Variants in PPP1R8 observed in about 807,000 individuals in gnomAD.
The protein encoded by PPP1R8 is protein phosphatase 1 regulatory subunit 8.
In PPP1R8, 4 loss-of-function variants were observed where a neutral mutation model predicts 31.3. That is an observed-to-expected ratio of 0.13 (90% CI 0.06 to 0.29). PPP1R8 has a LOEUF of 0.29. PPP1R8 is among the 10% of genes least tolerant of loss of function. PPP1R8 has a pLI of 1.00. For missense variants in PPP1R8, 254 were observed against 440.1 expected, an observed-to-expected ratio of 0.58 and a Z score of 3.78; for synonymous variants, 170 against 169.7, an observed-to-expected ratio of 1.00 and a Z score of -0.01.
At chr1:27,840,392 A>G (rs1412924981) in intron 3 of PPP1R8, among the ~76,000 whole-genome samples, 1 of 152,218 alleles carries the variant, frequency 6.6e-6, no homozygotes, top group Non-Finnish European at 1.5e-5. Flanking sequence ...CTCCCATTTT[A>G]TAACATGCAG....
intron 2 of PPP1R8, among the ~76,000 whole-genome samples, chr1:27,837,521 T>C (rs190363138): frequency 6.9e-6 from 1 of 144,544 alleles, no homozygotes; most frequent in African/African-American, 2.6e-5. Flanking sequence ...TGGCTCATGC[T>C]TGTAATCCCA....
chr1:27,832,677 A>C, intron 1 of PPP1R8, 79 bp from the exon 2 acceptor site: 1 of 1,194,178 alleles, frequency 8.4e-7, no homozygotes, highest in Non-Finnish European at 1.2e-6. Context: ...GGAGAGCTGC[A>C]ATGTTGAATG....
chr1:27,830,965 T>C (rs2089095863), intron 1 of PPP1R8, 74 bp downstream of exon 1: 2 of 1,468,790 alleles, frequency 1.4e-6, no homozygotes, highest in Middle Eastern at 1.8e-4. Flanking sequence ...GCTCTTTTTT[T>C]ACTTTTCTGC....
chr1:27,832,828 C>A lies in PPP1R8; in HGVS notation c.117+12C>A. On this transcript the variant is annotated intron_variant, in intron 2 of 6. Transcript: ENST00000311772. ...ACAAACTAATTGAGGTATGGAAATA[C>A]ATGTCTTACTTTTTTGGCTGCCACA... 2.5e-6 allele frequency: 4 copies of A among 1,599,580 alleles called. No homozygotes were observed. The highest frequency in any genetic ancestry group is 3.4e-6 in the Non-Finnish European group (4 of 1,170,614).
chr1:27,834,821 C>T (rs187205951), intron 2 of PPP1R8, among the ~76,000 whole-genome samples: 3 of 152,224 alleles, frequency 2.0e-5, no homozygotes, highest in African/African-American at 7.2e-5. Flanking sequence ...AGTTCAAGAC[C>T]AGGCTGGCCA....
intron 1 of PPP1R8, 141 bp downstream of exon 1, chr1:27,831,032 C>A: frequency 7.1e-7 from 1 of 1,400,416 alleles, no homozygotes; most frequent in Non-Finnish European, 9.3e-7. Flanking sequence ...GTTTGCTGCA[C>A]CGGGCCGGGC....
intron 3 of PPP1R8, among the ~76,000 whole-genome samples, chr1:27,839,785 A>G (rs1417504692): frequency 6.6e-6 from 1 of 151,308 alleles, no homozygotes; most frequent in Non-Finnish European, 1.5e-5. Context: ...AAGGCCAGGC[A>G]TGGTGACTCA....
chr1:27,836,992 AATCTT>A (rs2089173247), intron 2 of PPP1R8, among the ~76,000 whole-genome samples: 2 of 152,190 alleles, frequency 1.3e-5, no homozygotes, highest in Non-Finnish European at 2.9e-5. Flanking sequence ...TCTGAGAAGC[AATCTT>A]ATTACAATTT....
At chr1:27,836,811 C>T (rs1289130874) in intron 2 of PPP1R8, among the ~76,000 whole-genome samples, 2 of 151,880 alleles carry the variant, frequency 1.3e-5, no homozygotes, top group African/African-American at 2.4e-5. Context: ...GCTGGCCATT[C>T]ACCTGAGGTG....
At chr1:27,831,140 G>GAT in intron 1 of PPP1R8, 1 of 1,281,788 alleles carries the variant, frequency 7.8e-7, no homozygotes. Flanking sequence ...GCCCCTTTGA[G>GAT]CGATTAGCCA....
Position 27,850,697 on chromosome 1 carries a change from C to T in PPP1R8, c.*251C>T. ...TTTCAATAGACTGCCCTGGCTCTTT[C>T]CTAGGCCTTCCACTACCTCCTTTCT... is the stretch of plus-strand genomic sequence containing the variant. On this transcript the variant is annotated 3_prime_UTR_variant, in exon 7 of 7. Transcript: ENST00000311772. 1 of 407,656 alleles carries T rather than the reference C, an allele frequency of 2.5e-6. No individual in the cohort carries two copies. Among genetic ancestry groups the T allele is most frequent in the Non-Finnish European group, 4.4e-6 (1 of 227,476 alleles). The allele number at this position is 407,656 out of a possible 1,614,324, so 25.3% of individuals were successfully genotyped here.
In PPP1R8 at chr1:27,851,474, G is replaced by T; in HGVS notation, c.*1028G>T. On this transcript the variant is annotated 3_prime_UTR_variant, in exon 7 of 7. Coordinates refer to ENST00000311772, the MANE Select transcript of PPP1R8 (RefSeq NM_014110.5). ...TAATAGGCCTTTTCATGCTTTATGT[G>T]TAGCTTTTTACCTGTAACCTTTATT... 1 of 450,818 alleles carries T rather than the reference G, an allele frequency of 2.2e-6. No homozygotes were observed. Among genetic ancestry groups the T allele is most frequent in the Non-Finnish European group, 4.5e-6 (1 of 222,124 alleles). The allele number at this position is 450,818 out of a possible 1,614,324, so 27.9% of individuals were successfully genotyped here. A position where few individuals can be genotyped will look rare whatever the true frequency, so the allele number is the denominator to read the frequency against.
chr1:27,833,798 G>A (rs2089135381), intron 2 of PPP1R8, among the ~76,000 whole-genome samples: 1 of 152,124 alleles, frequency 6.6e-6, no homozygotes, highest in Non-Finnish European at 1.5e-5. Flanking sequence ...TCTTTTGAAG[G>A]TTACTCTGTA....
chr1:27,841,287 G>A (rs2089220344), intron 4 of PPP1R8, 53 bp downstream of exon 4: 2 of 1,578,496 alleles, frequency 1.3e-6, no homozygotes, highest in Admixed American at 1.7e-5. Flanking sequence ...GGTTTTTGGA[G>A]TATACAGCTG....
chr1:27,844,211 C>T (rs2148618710), intron 5 of PPP1R8, among the ~76,000 whole-genome samples: 1 of 152,304 alleles, frequency 6.6e-6, no homozygotes, highest in East Asian at 1.9e-4. Flanking sequence ...TCATGTTGCC[C>T]AGGCTGGTCT....
In PPP1R8 at chr1:27,850,149, C is replaced by T; in HGVS notation, c.759C>T (p.Arg253=). ...GCCTGGAGGAATCAGGGAGCAGGCG[C>T]ATGCAGAACTTTGCCTTCAGCGGAG... ...SLGLEESGSR[R]MQNFAFSGGL... is the part of the protein sequence containing the mutation. Residue 253 remains arginine (R), a synonymous_variant, in exon 7 of 7, where the codon CGC becomes CGT. Transcript: ENST00000311772. The T allele has an allele frequency of 6.2e-7, 1 of 1,611,722 alleles. No homozygotes were observed. The highest frequency in any genetic ancestry group is 8.5e-7 in the Non-Finnish European group (1 of 1,178,524).
At chr1:27,838,876 CAT>C (rs767541505) in intron 3 of PPP1R8, 24 bp downstream of exon 3, 5 of 1,534,204 alleles carry the variant, frequency 3.3e-6, no homozygotes, top group Non-Finnish European at 4.4e-6. Context: ...TCCCAATTCA[CAT>C]GTTACCTTTA....
At position 27,850,327 on chromosome 1, in the gene PPP1R8, A is replaced by G; in HGVS notation, c.937A>G (p.Met313Val). 6.2e-7 allele frequency: 1 copy of G among 1,614,246 alleles called. No individual in the cohort carries two copies. Among genetic ancestry groups the G allele is most frequent in the Non-Finnish European group, 8.5e-7 (1 of 1,180,058 alleles). The stretch of plus-strand genomic sequence containing the variant: ...TCCTGTTGTGCCGTCAGCAGTGAAC[A>G]TGAACCCTGCACCAAACCCTGCAGT... ...LTPVVPSAVN[M>V]NPAPNPAVYN... Residue 313 changes from methionine to valine, a missense_variant, in exon 7 of 7, where the codon ATG becomes GTG. Met to Val is a conservative substitution (Grantham distance 21). This residue lies in a region of PPP1R8 where 105 missense variants were observed against 128.0 expected (regional missense o/e 0.82). Transcript: ENST00000311772.
At position 27,840,801 on chromosome 1, in the gene PPP1R8, A is replaced by C. The variant is rs150380094; in HGVS notation, c.272-213A>C. Among the ~76,000 whole-genome samples, 239 of 152,256 alleles carry C rather than the reference A, an allele frequency of 1.6e-3. 1 individual carries two copies. The highest frequency in any genetic ancestry group is 5.6e-3 in the African/African-American group (231 of 41,566). On this transcript the variant is annotated intron_variant, in intron 3 of 6. Coordinates refer to ENST00000311772, the MANE Select transcript of PPP1R8 (RefSeq NM_014110.5). ...CTGTAACACATGATGGATGTGGTGG[A>C]CCCAGTGCCATTTTCATTTTTTAAA...
Sources: gnomAD v4.1 joint callset for allele counts (sites outside exome capture counted in the v4.1 genomes callset) on GRCh38, gnomAD v4.1.1 for gene constraint, gnomAD v4.1.1 regional missense constraint, MANE v1.5 for transcripts, NCBI Gene and HGNC (gene_info 2026-07-23, HGNC 2026-07-21) for gene names.